The following YWHAH variants were observed in gnomAD, a reference collection of about 807,000 sequenced individuals.
YWHAH encodes 14-3-3 protein eta.
YWHAH carries 6 observed loss-of-function variants against 22.9 expected under a neutral mutation model. The ratio of observed to expected loss-of-function variants is 0.26; its 90% CI spans 0.14 to 0.52. YWHAH has a LOEUF of 0.52. Ranked by LOEUF, YWHAH falls within the 20% of genes least tolerant of loss-of-function variation. YWHAH has a pLI of 0.97. For synonymous variants in YWHAH, 135 were observed against 124.5 expected (o/e 1.08, Z -0.56); for missense variants, 173 against 308.6 (o/e 0.56, Z 3.29).
At chr22:31,955,401 T>C (rs1011868788) in intron 1 of YWHAH, among the ~76,000 whole-genome samples, 15 of 151,870 alleles carry the variant, frequency 9.9e-5, no homozygotes, top group African/African-American at 3.6e-4. Context: ...CTTTGAACAT[T>C]TGACAAAGGG....
At chr22:31,945,013 A>G (rs1603048050) in intron 1 of YWHAH, 193 bp downstream of exon 1, 7 of 1,113,514 alleles carry the variant, frequency 6.3e-6, no homozygotes, top group Non-Finnish European at 7.7e-6. Flanking sequence ...GGCTGGGCCC[A>G]GGGTGGGGGA....
At chr22:31,945,095 C>G (rs539321361) in intron 1 of YWHAH, 3 of 1,102,692 alleles carry the variant, frequency 2.7e-6, no homozygotes, top group African/African-American at 3.3e-5. Context: ...GTCGCCACAT[C>G]TTAGTTCGGA....
chr22:31,954,977 A>G (rs1331098343), intron 1 of YWHAH, among the ~76,000 whole-genome samples: 2 of 152,366 alleles, frequency 1.3e-5, no homozygotes, highest in African/African-American at 2.4e-5. Context: ...TACTAACTGC[A>G]TAGCTAGTTC....
At chr22:31,952,067 T>G (rs1249441173) in intron 1 of YWHAH, among the ~76,000 whole-genome samples, 1 of 152,188 alleles carries the variant, frequency 6.6e-6, no homozygotes, top group Non-Finnish European at 1.5e-5. Context: ...CAGAAATGAC[T>G]GTTGTAATCT....
intron 1 of YWHAH, 34 bp downstream of exon 1, chr22:31,944,854 G>C: frequency 2.3e-6 from 3 of 1,325,358 alleles, no homozygotes; most frequent in South Asian, 1.7e-5. Flanking sequence ...GGCTGGCCGG[G>C]GGGGGCCTGG....
At chr22:31,945,559 T>C (rs1229577807) in intron 1 of YWHAH, 2 of 1,304,114 alleles carry the variant, frequency 1.5e-6, no homozygotes, top group Non-Finnish European at 2.0e-6. Flanking sequence ...TTCTGCAGCT[T>C]CTCCGGTGGA....
Position 31,946,939 on chromosome 22 carries a change from G to T in YWHAH, c.87+2119G>T, listed in dbSNP as rs1229060870. ...TTTAATTCTGCCATCTCAGAATGGT[G>T]ATAAACCATTTCTCCCCCATCATCT... On this transcript the variant is annotated intron_variant, in intron 1 of 1. Coordinates refer to ENST00000248975, the MANE Select transcript of YWHAH (RefSeq NM_003405.4). Among the ~76,000 whole-genome samples, 7 of 152,254 alleles carry T rather than the reference G, an allele frequency of 4.6e-5. No homozygotes were observed. In the South Asian group the frequency reaches 1.2e-3, roughly 27 times the overall value.
chr22:31,955,457 T>C (rs1035462669), intron 1 of YWHAH, among the ~76,000 whole-genome samples: 1 of 151,092 alleles, frequency 6.6e-6, no homozygotes, highest in African/African-American at 2.4e-5. Flanking sequence ...TTTTTTTTTT[T>C]TTCTTTTGAG....
chr22:31,952,245 A>C (rs1253206013), intron 1 of YWHAH, among the ~76,000 whole-genome samples: 1 of 152,122 alleles, frequency 6.6e-6, no homozygotes, highest in African/African-American at 2.4e-5. Flanking sequence ...AGCATCCATT[A>C]CTCTGTGTTG....
chr22:31,948,981 G>C (rs539616407), intron 1 of YWHAH, among the ~76,000 whole-genome samples: 20 of 152,170 alleles, frequency 1.3e-4, no homozygotes, highest in African/African-American at 4.8e-4. Flanking sequence ...TATTTTCTTT[G>C]GTGGGGATTT....
chr22:31,954,340 G>A (rs1320970500), intron 1 of YWHAH, among the ~76,000 whole-genome samples: 1 of 152,018 alleles, frequency 6.6e-6, no homozygotes, highest in East Asian at 1.9e-4. Context: ...TTTACCAGTA[G>A]GTCATATTAA....
intron 1 of YWHAH, among the ~76,000 whole-genome samples, chr22:31,947,227 A>G (rs1470636818): frequency 6.6e-6 from 1 of 152,200 alleles, no homozygotes; most frequent in Non-Finnish European, 1.5e-5. Context: ...AGCCTGCTGT[A>G]GGGAGGATGG....
intron 1 of YWHAH, among the ~76,000 whole-genome samples, chr22:31,948,506 G>A (rs1256594491): frequency 6.6e-6 from 1 of 151,918 alleles, no homozygotes; most frequent in African/African-American, 2.4e-5. Context: ...AACCTCCTGA[G>A]CAGCTGGGAC....
intron 1 of YWHAH, among the ~76,000 whole-genome samples, chr22:31,952,404 G>C (rs1019583587): frequency 3.9e-5 from 6 of 152,170 alleles, no homozygotes; most frequent in African/African-American, 1.4e-4. Flanking sequence ...TTAATGGACT[G>C]TCTGATTTTA....
intron 1 of YWHAH, among the ~76,000 whole-genome samples, chr22:31,953,205 C>G (rs1006554213): frequency 1.3e-5 from 2 of 152,102 alleles, no homozygotes; most frequent in African/African-American, 2.4e-5. Flanking sequence ...TATTTTAATG[C>G]CAAATGGCCT....
chr22:31,944,893 G>T, intron 1 of YWHAH, 73 bp downstream of exon 1: 1 of 1,189,072 alleles, frequency 8.4e-7, no homozygotes, highest in Admixed American at 4.8e-5. Flanking sequence ...ATGGCCGCGG[G>T]CGCGTTCCCC....
chr22:31,949,091 A>ATG (rs959711264), intron 1 of YWHAH, among the ~76,000 whole-genome samples: 121 of 137,076 alleles, frequency 8.8e-4, no homozygotes, highest in African/African-American at 3.2e-3. Context: ...CTAACGTTTT[A>ATG]TGTGTGTGTG....
intron 1 of YWHAH, among the ~76,000 whole-genome samples, chr22:31,946,170 G>A (rs1409778426): frequency 1.3e-5 from 2 of 152,178 alleles, no homozygotes; most frequent in Non-Finnish European, 2.9e-5. Flanking sequence ...TTGCCCGTAT[G>A]TTGATTTGTT....
At chr22:31,953,422 AGT>A (rs1179678322) in intron 1 of YWHAH, among the ~76,000 whole-genome samples, 1 of 152,170 alleles carries the variant, frequency 6.6e-6, no homozygotes, top group African/African-American at 2.4e-5. Context: ...GTAGTTCATA[AGT>A]GTGATGATTG....
Sources: gnomAD v4.1 joint callset for allele counts (sites outside exome capture counted in the v4.1 genomes callset) on GRCh38, gnomAD v4.1.1 for gene constraint, MANE v1.5 for transcripts, NCBI Gene and HGNC (gene_info 2026-07-23, HGNC 2026-07-21) for gene names.